Variants in ALDH1A2 observed in about 807,000 individuals in gnomAD.
ALDH1A2 encodes aldehyde dehydrogenase 1 family member A2, also known as retinal dehydrogenase 2.
In ALDH1A2, 27 loss-of-function variants were observed where a neutral mutation model predicts 60.3. The ratio of observed to expected loss-of-function variants is 0.45; its 90% CI spans 0.33 to 0.62. The LOEUF (loss-of-function observed/expected upper bound fraction) is 0.62. Among genes scored for constraint, ALDH1A2 ranks in the 20% least tolerant of loss-of-function variants. The probability of loss-of-function intolerance (pLI) is 0.02; values close to 1 mark genes in which losing one functional copy is unlikely to be tolerated. For missense variants in ALDH1A2, 581 were observed against 643.8 expected (o/e 0.90, Z 1.06); for synonymous variants, 289 against 232.4 (o/e 1.24, Z -2.21).
chr15:58,043,835 A>ATTC (rs1896576170), intron 1 of ALDH1A2, among the ~76,000 whole-genome samples: 1 of 152,020 alleles, frequency 6.6e-6, no homozygotes, highest in Admixed American at 6.6e-5. Flanking sequence ...CTAATGAATG[A>ATTC]GAATCTTTTT....
intron 1 of ALDH1A2, chr15:58,058,088 C>T (rs1896940593): frequency 9.1e-6 from 14 of 1,533,412 alleles, no homozygotes; most frequent in African/African-American, 1.4e-5. Context: ...AGGATTCTGC[C>T]AGCAAGTCCA....
chr15:57,978,382 A>G (rs1440771677), intron 7 of ALDH1A2, among the ~76,000 whole-genome samples: 1 of 152,138 alleles, frequency 6.6e-6, no homozygotes, highest in Non-Finnish European at 1.5e-5. Context: ...AGTTTATTGG[A>G]TTTTTAGCAT....
chr15:58,014,654 T>C (rs1895738961), intron 1 of ALDH1A2: 4 of 410,648 alleles, frequency 9.7e-6, no homozygotes, highest in Non-Finnish European at 1.9e-5. Flanking sequence ...CTTACAGTCA[T>C]CAAGCCTTAG....
At chr15:58,032,278 T>A (rs1268959787) in intron 1 of ALDH1A2, among the ~76,000 whole-genome samples, 1 of 151,942 alleles carries the variant, frequency 6.6e-6, no homozygotes, top group Non-Finnish European at 1.5e-5. Context: ...CACCACATGT[T>A]CTCACTCATA....
chr15:58,012,263 GATATC>G (rs1388088779), intron 3 of ALDH1A2: 4 of 152,070 alleles, frequency 2.6e-5, no homozygotes, highest in Admixed American at 6.6e-5. Flanking sequence ...CAATGCTATA[GATATC>G]ATATATCTTT....
chr15:57,955,857 G>A (rs536268810), intron 12 of ALDH1A2, among the ~76,000 whole-genome samples: 4 of 152,178 alleles, frequency 2.6e-5, no homozygotes, highest in Non-Finnish European at 4.4e-5. Flanking sequence ...CTATTCTCCT[G>A]TTCTTTTTGC....
chr15:58,024,080 C>A (rs1896006686), intron 1 of ALDH1A2, among the ~76,000 whole-genome samples: 1 of 151,914 alleles, frequency 6.6e-6, no homozygotes, highest in African/African-American at 2.4e-5. Flanking sequence ...GCAACAAAAG[C>A]AAAATTCCAT....
At chr15:58,041,350 G>A (rs1261101172) in intron 1 of ALDH1A2, among the ~76,000 whole-genome samples, 1 of 151,924 alleles carries the variant, frequency 6.6e-6, no homozygotes, top group Non-Finnish European at 1.5e-5. Flanking sequence ...ACAGACCAGT[G>A]TGTTACATGC....
At chr15:57,999,327 G>A (rs1323267033) in intron 4 of ALDH1A2, among the ~76,000 whole-genome samples, 2 of 151,598 alleles carry the variant, frequency 1.3e-5, no homozygotes, top group African/African-American at 4.8e-5. Flanking sequence ...AATCTACAAG[G>A]AATTTAAACA....
intron 7 of ALDH1A2, among the ~76,000 whole-genome samples, chr15:57,992,141 T>C (rs577973539): frequency 2.0e-5 from 3 of 152,342 alleles, no homozygotes; most frequent in Non-Finnish European, 4.4e-5. Context: ...AATTGGCACA[T>C]AGCCACACTC....
intron 1 of ALDH1A2, among the ~76,000 whole-genome samples, chr15:58,018,261 A>T (rs193150124): frequency 1.2e-4 from 18 of 152,292 alleles, no homozygotes; most frequent in African/African-American, 4.3e-4. Context: ...TAAACAAAAA[A>T]TAAATAATGC....
At chr15:58,044,349 C>T (rs1896589762) in intron 1 of ALDH1A2, among the ~76,000 whole-genome samples, 2 of 151,900 alleles carry the variant, frequency 1.3e-5, no homozygotes, top group South Asian at 4.2e-4. Flanking sequence ...TGTTCCCCTC[C>T]CTGTGTCCAC....
At chr15:57,971,893 T>TC (rs1894079952) in intron 7 of ALDH1A2, among the ~76,000 whole-genome samples, 2 of 152,070 alleles carry the variant, frequency 1.3e-5, no homozygotes, top group Non-Finnish European at 2.9e-5. Context: ...CTGGCTAATT[T>TC]ATTTTTTATT....
intron 7 of ALDH1A2, among the ~76,000 whole-genome samples, chr15:57,968,986 C>A (rs1213970686): frequency 7.4e-6 from 1 of 135,238 alleles, no homozygotes; most frequent in Non-Finnish European, 1.7e-5. Context: ...TGCGCTGCAC[C>A]CACTAACTCG....
intron 4 of ALDH1A2, among the ~76,000 whole-genome samples, chr15:57,999,541 G>C (rs1342757908): frequency 1.3e-5 from 2 of 151,960 alleles, no homozygotes; most frequent in Non-Finnish European, 2.9e-5. Flanking sequence ...AGAAACAACA[G>C]ATGCTGGCAA....
intron 1 of ALDH1A2, among the ~76,000 whole-genome samples, chr15:58,027,460 T>C (rs1259996683): frequency 6.6e-6 from 1 of 151,860 alleles, no homozygotes. Flanking sequence ...GCAGAAAAGG[T>C]GAAAATTCTA....
rs549823111 is a variant in ALDH1A2 at position 58,005,313 on chromosome 15, C to T, written c.493+5336G>A. 1.2e-4 allele frequency among the ~76,000 whole-genome samples: 18 copies of T among 152,122 alleles called. No individual in the cohort carries two copies. In the South Asian group the frequency reaches 3.7e-3, roughly 32 times the overall value. On this transcript the variant is annotated intron_variant, in intron 4 of 12. Transcript: ENST00000249750. The stretch of plus-strand genomic sequence containing the variant: ...CCCACCAAATTTCATGCTTCCATAT[C>T]TAAATAGATCACACTATATTGCAGT...
intron 1 of ALDH1A2, among the ~76,000 whole-genome samples, chr15:58,023,931 T>G (rs1401237715): frequency 1.3e-5 from 2 of 152,036 alleles, no homozygotes. Flanking sequence ...TCCTCTCCAC[T>G]GAAAATACAA....
At chr15:58,060,063 C>G (rs890996324) in intron 1 of ALDH1A2, among the ~76,000 whole-genome samples, 5 of 152,130 alleles carry the variant, frequency 3.3e-5, no homozygotes, top group African/African-American at 9.7e-5. Flanking sequence ...GCTGGGATTA[C>G]AGGCGTGTAC....
Sources: allele counts gnomAD v4.1 joint callset (sites outside exome capture counted in the v4.1 genomes callset), GRCh38; gene constraint gnomAD v4.1.1; transcripts MANE v1.5; gene names NCBI Gene and HGNC (gene_info 2026-07-23, HGNC 2026-07-21).